Variants in CAMTA1 observed in about 807,000 individuals in gnomAD.
CAMTA1 encodes the protein calmodulin binding transcription activator 1.
A neutral mutation model predicts 170.9 loss-of-function variants in CAMTA1; 27 were observed. That is an observed-to-expected ratio of 0.16 (90% confidence interval 0.12 to 0.22). The LOEUF is 0.22. Among genes scored for constraint, CAMTA1 ranks in the 10% least tolerant of loss-of-function variants. CAMTA1 has a pLI of 1.00. For missense variants in CAMTA1, 1,619 were observed against 2,217.2 expected, an observed-to-expected ratio of 0.73 and a Z score of 5.42; for synonymous variants, 833 against 891.5, an observed-to-expected ratio of 0.93 and a Z score of 1.17.
chr1:7,342,736 T>A (rs1217262455), intron 5 of CAMTA1, among the ~76,000 whole-genome samples: 1 of 152,050 alleles, frequency 6.6e-6, no homozygotes, highest in African/African-American at 2.4e-5. Context: ...ACCCAGGAGG[T>A]CATTGGAGAG....
At chr1:7,619,006 A>T (rs1488928006) in intron 6 of CAMTA1, among the ~76,000 whole-genome samples, 1 of 152,230 alleles carries the variant, frequency 6.6e-6, no homozygotes, top group African/African-American at 2.4e-5. Context: ...CATCTCAAAC[A>T]GAAATTTTAA....
chr1:6,992,733 G>A (rs1696592315), intron 3 of CAMTA1, among the ~76,000 whole-genome samples: 1 of 152,180 alleles, frequency 6.6e-6, no homozygotes, highest in Non-Finnish European at 1.5e-5. Context: ...TAAACAATCA[G>A]ATCTTGTGAG....
At chr1:6,796,770 T>C (rs1247953077) in intron 1 of CAMTA1, among the ~76,000 whole-genome samples, 1 of 152,158 alleles carries the variant, frequency 6.6e-6, no homozygotes, top group Non-Finnish European at 1.5e-5. Flanking sequence ...AGTACTACGT[T>C]AGAACAGTTC....
intron 1 of CAMTA1, among the ~76,000 whole-genome samples, chr1:6,795,213 G>T (rs1437666495): frequency 6.6e-6 from 1 of 152,046 alleles, no homozygotes; most frequent in Non-Finnish European, 1.5e-5. Flanking sequence ...TAGAGACAGG[G>T]TCTCGCTCTG....
chr1:6,894,019 A>G (rs1212067105), intron 3 of CAMTA1, among the ~76,000 whole-genome samples: 1 of 152,236 alleles, frequency 6.6e-6, no homozygotes, highest in Non-Finnish European at 1.5e-5. Flanking sequence ...CTGAAAGATT[A>G]AAACAGGCTG....
At chr1:7,364,327 G>A (rs1302430189) in intron 5 of CAMTA1, among the ~76,000 whole-genome samples, 3 of 152,308 alleles carry the variant, frequency 2.0e-5, no homozygotes, top group Middle Eastern at 6.8e-3. Flanking sequence ...TGGAGGCTGG[G>A]AAGTCCAAGA....
At chr1:7,020,347 C>T (rs1413140782) in intron 3 of CAMTA1, among the ~76,000 whole-genome samples, 1 of 152,160 alleles carries the variant, frequency 6.6e-6, no homozygotes, top group Non-Finnish European at 1.5e-5. Context: ...CAGTTGCCTA[C>T]AGTATTCAGT....
In CAMTA1 at chr1:7,284,126, GTTCTTCTTCTTCTTC is replaced by G. The variant is rs202166286; in HGVS notation, c.438+34539_438+34553del. 3.4e-3 allele frequency among the ~76,000 whole-genome samples: 366 copies of G among 106,984 alleles called. 5 individuals are homozygous for G. Among genetic ancestry groups the G allele is most frequent in the South Asian group, 0.017 (46 of 2,764 alleles). The allele number at this position is 106,984 out of a possible 152,430, so 70.2% of individuals were successfully genotyped here. A position where few individuals can be genotyped will look rare whatever the true frequency, so the allele number is the denominator to read the frequency against. ...AAATGCTGTTTCGGTATTTGCTGCT[GTTCTTCTTCTTCTTC>G]TTCTTCTTCTTCTTCTTCTTCTTCT... On this transcript the variant is annotated intron_variant, in intron 5 of 22. Transcript: ENST00000303635.
chr1:6,829,764 C>T (rs1448943965), intron 3 of CAMTA1, among the ~76,000 whole-genome samples: 2 of 152,192 alleles, frequency 1.3e-5, no homozygotes, highest in Admixed American at 6.5e-5. Context: ...ACTTTGAGTC[C>T]CATAATCCCT....
chr1:7,676,152 A>G (rs1261853318), intron 10 of CAMTA1, among the ~76,000 whole-genome samples: 2 of 152,222 alleles, frequency 1.3e-5, no homozygotes, highest in Admixed American at 1.3e-4. Context: ...AAGCCAGGCC[A>G]ATCTCCAGGG....
In CAMTA1 at chr1:7,310,700, C is replaced by CTCTCTCTCTT. The variant is rs1361709842; in HGVS notation, c.438+61077_438+61078insCTCTCTTTCT. Among the ~76,000 whole-genome samples, 85 of 53,460 alleles carry CTCTCTCTCTT rather than the reference C, an allele frequency of 1.6e-3. 2 individuals carry two copies. Among genetic ancestry groups the CTCTCTCTCTT allele is most frequent in the East Asian group, 3.3e-3 (9 of 2,746 alleles). The allele number at this position is 53,460 out of a possible 152,430, so 35.1% of individuals were successfully genotyped here. A position where few individuals can be genotyped will look rare whatever the true frequency, so the allele number is the denominator to read the frequency against. The stretch of plus-strand genomic sequence containing the variant: ...TCTTTCTCTCTCTCTCTCTCTCTCT[C>CTCTCTCTCTT]TCTTTCTTTCTTTCTTTCTTTCTTT... On this transcript the variant is annotated intron_variant, in intron 5 of 22. Transcript: ENST00000303635.
At chr1:7,624,973 G>A (rs1466203746) in intron 6 of CAMTA1, among the ~76,000 whole-genome samples, 1 of 152,224 alleles carries the variant, frequency 6.6e-6, no homozygotes, top group Non-Finnish European at 1.5e-5. Flanking sequence ...TCCAGGCCTT[G>A]GGAACAGCGT....
At position 7,456,636 on chromosome 1, in the gene CAMTA1, T is replaced by A. The variant is rs2092958952; in HGVS notation, c.439-11194T>A. Among the ~76,000 whole-genome samples the A allele has an allele frequency of 6.6e-6, 1 of 152,184 alleles. No homozygotes were observed. The highest frequency in any genetic ancestry group is 1.5e-5 in the Non-Finnish European group (1 of 68,028). ...CACACCCAGCTCAGAGAAAGCCTGT[T>A]CTTTGCTGGGGCCCGCAGGGAGCCA... On this transcript the variant is annotated intron_variant, in intron 5 of 22. Transcript: ENST00000303635. This position sits in a 1 kb window ranked among gnomAD's most constrained non-coding sequence, Gnocchi z 4.9.
chr1:7,424,450 GA>G (rs1356837802), intron 5 of CAMTA1, among the ~76,000 whole-genome samples: 9 of 151,280 alleles, frequency 5.9e-5, no homozygotes, highest in East Asian at 2.0e-4. Context: ...CTGGGAGGAT[GA>G]GGGGGGGTGG....
At chr1:7,398,187 CTCTCTCTATATATATATATATATATA>C (rs1257004595) in intron 5 of CAMTA1, among the ~76,000 whole-genome samples, 19 of 38,228 alleles carry the variant, frequency 5.0e-4, no homozygotes, top group African/African-American at 1.6e-3. Flanking sequence ...CTCTCTCTCT[CTCTCTCTATATATATATATATATATA>C]TATATATATA....
At chr1:7,380,467 T>C (rs574298611) in intron 5 of CAMTA1, among the ~76,000 whole-genome samples, 25 of 152,176 alleles carry the variant, frequency 1.6e-4, no homozygotes, top group Admixed American at 1.4e-3. Context: ...CCAGCTACTC[T>C]GGAGGCTGAG....
At chr1:7,704,819 C>CGGGCG (rs1248224290) in intron 11 of CAMTA1, among the ~76,000 whole-genome samples, 36 of 145,254 alleles carry the variant, frequency 2.5e-4, no homozygotes, top group East Asian at 8.2e-4. Context: ...CGGGCGGGGC[C>CGGGCG]GGGCGGGGCG....
chr1:7,383,727 G>A (rs2087611909), intron 5 of CAMTA1, among the ~76,000 whole-genome samples: 1 of 152,040 alleles, frequency 6.6e-6, no homozygotes, highest in African/African-American at 2.4e-5. Flanking sequence ...TGATGGTGGT[G>A]GTGGTGCTGG....
chr1:7,265,028 A>G lies in CAMTA1; in HGVS notation c.438+15402A>G, dbSNP rs544317878. 7.2e-5 allele frequency among the ~76,000 whole-genome samples: 11 copies of G among 152,200 alleles called. No homozygotes were observed. The South Asian group carries it at 2.3e-3, about 32-fold the overall frequency. On this transcript the variant is annotated intron_variant, in intron 5 of 22. Transcript: ENST00000303635. Reference sequence around the variant, plus strand: ...CCAGGGCCTGCAGGGGTGGGGAGGGAGCCTCAGGGGCCAGGGAGCCGGGTT... The same window carrying G: ...CCAGGGCCTGCAGGGGTGGGGAGGGGGCCTCAGGGGCCAGGGAGCCGGGTT...
Sources: gnomAD v4.1 joint callset for allele counts (sites outside exome capture counted in the v4.1 genomes callset) on GRCh38, gnomAD v4.1.1 for gene constraint, Gnocchi (gnomAD v3.1) non-coding constraint, MANE v1.5 for transcripts, NCBI Gene and HGNC (gene_info 2026-07-23, HGNC 2026-07-21) for gene names.